ANO2: variants seen among roughly 807,000 people sequenced by gnomAD.
ANO2 encodes anoctamin-2.
ANO2 carries 101 observed loss-of-function variants against 124.2 expected under a neutral mutation model. The ratio of observed to expected loss-of-function variants is 0.81; its 90% CI spans 0.69 to 0.96. The LOEUF is 0.96. ANO2 is among the 40% of genes least tolerant of loss of function. ANO2 has a pLI of 0.00. For missense variants in ANO2, 1,293 were observed against 1,274.5 expected, an observed-to-expected ratio of 1.01 and a Z score of -0.22; for synonymous variants, 486 against 482.5, an observed-to-expected ratio of 1.01 and a Z score of -0.09.
At chr12:5,777,079 C>A (rs1952253961) in intron 10 of ANO2, among the ~76,000 whole-genome samples, 1 of 152,042 alleles carries the variant, frequency 6.6e-6, no homozygotes, top group African/African-American at 2.4e-5. Flanking sequence ...TATTGAGGGG[C>A]AAGAAAATCA....
intron 3 of ANO2, among the ~76,000 whole-genome samples, chr12:5,886,269 T>A (rs890305555): frequency 2.6e-5 from 4 of 152,208 alleles, no homozygotes; most frequent in Non-Finnish European, 5.9e-5. Flanking sequence ...AAATGTGGTA[T>A]ATACACACAA....
intron 11 of ANO2, among the ~76,000 whole-genome samples, chr12:5,746,681 T>G (rs377653032): frequency 7.9e-5 from 12 of 152,212 alleles, no homozygotes; most frequent in African/African-American, 2.9e-4. Flanking sequence ...GACCCTAAAG[T>G]GAGCAATGTT....
intron 1 of ANO2, among the ~76,000 whole-genome samples, chr12:5,939,032 G>A (rs1241876936): frequency 2.0e-5 from 3 of 151,232 alleles, no homozygotes; most frequent in Admixed American, 6.6e-5. Context: ...TCCTGGCCAA[G>A]AGAGTAAAAC....
At chr12:5,915,310 G>A (rs1333619354) in intron 3 of ANO2, among the ~76,000 whole-genome samples, 1 of 152,148 alleles carries the variant, frequency 6.6e-6, no homozygotes, top group Non-Finnish European at 1.5e-5. Context: ...ATGCTGAATT[G>A]TCTTTAAAAT....
intron 1 of ANO2, among the ~76,000 whole-genome samples, chr12:5,930,586 T>C (rs1002770285): frequency 1.3e-5 from 2 of 152,068 alleles, no homozygotes; most frequent in African/African-American, 4.8e-5. Flanking sequence ...CCTGGGTGCT[T>C]TCAGATTGAA....
intron 13 of ANO2, among the ~76,000 whole-genome samples, chr12:5,736,352 G>A (rs188687991): frequency 4.6e-5 from 7 of 152,304 alleles, no homozygotes; most frequent in East Asian, 1.9e-4. Context: ...ACTAGAGGGT[G>A]CACAAGCTTT....
chr12:5,937,994 C>T (rs949798598), intron 1 of ANO2, among the ~76,000 whole-genome samples: 2 of 152,264 alleles, frequency 1.3e-5, no homozygotes, highest in East Asian at 1.9e-4. Flanking sequence ...CTCCCAGTAC[C>T]GTTCGACTTC....
intron 15 of ANO2, among the ~76,000 whole-genome samples, chr12:5,643,087 C>CACACACACA (rs1491410332): frequency 6.6e-6 from 1 of 151,314 alleles, no homozygotes; most frequent in African/African-American, 2.4e-5. Context: ...CACACACACA[C>CACACACACA]AATGAATAAA....
chr12:5,704,832 A>T (rs1039975929), intron 14 of ANO2, among the ~76,000 whole-genome samples: 2 of 152,132 alleles, frequency 1.3e-5, no homozygotes, highest in South Asian at 4.1e-4. Context: ...ATATGAAGGA[A>T]CTGCATGCAA....
chr12:5,817,676 T>C (rs911653544), intron 7 of ANO2, among the ~76,000 whole-genome samples: 6 of 152,068 alleles, frequency 3.9e-5, no homozygotes, highest in Admixed American at 1.3e-4. Context: ...AAAGTGGTCA[T>C]ATTAACAGGA....
At chr12:5,644,433 T>C (rs1232509571) in intron 15 of ANO2, among the ~76,000 whole-genome samples, 1 of 151,870 alleles carries the variant, frequency 6.6e-6, no homozygotes, top group Non-Finnish European at 1.5e-5. Context: ...CCTTCAAGAG[T>C]TTCTTGACTA....
At chr12:5,709,300 C>G (rs979772550) in intron 14 of ANO2, among the ~76,000 whole-genome samples, 3 of 152,210 alleles carry the variant, frequency 2.0e-5, no homozygotes, top group Non-Finnish European at 4.4e-5. Flanking sequence ...CTCCACTATA[C>G]TCTCCAGCCT....
At chr12:5,650,640 AC>A (rs1402252249) in intron 14 of ANO2, among the ~76,000 whole-genome samples, 13 of 152,230 alleles carry the variant, frequency 8.5e-5, no homozygotes, top group African/African-American at 3.1e-4. Context: ...CATTAACAAT[AC>A]GAAGACTTGC....
chr12:5,731,183 C>T (rs77311866), intron 14 of ANO2, among the ~76,000 whole-genome samples: 67 of 152,256 alleles, frequency 4.4e-4, no homozygotes, highest in Middle Eastern at 3.4e-3. Context: ...ACGGCGTTGC[C>T]GAAGCTGACA....
chr12:5,851,008 C>A (rs918780911), intron 4 of ANO2, among the ~76,000 whole-genome samples: 1 of 151,046 alleles, frequency 6.6e-6, no homozygotes, highest in African/African-American at 2.5e-5. Flanking sequence ...GATGGGATGA[C>A]GTCCCCAAAC....
In ANO2 at chr12:5,798,023, T is replaced by C. The variant is rs1356104477; in HGVS notation, c.1055+1484A>G. Among the ~76,000 whole-genome samples, 15 of 152,122 alleles carry C rather than the reference T, an allele frequency of 9.9e-5. No individual in the cohort carries two copies. In the East Asian group the frequency reaches 2.7e-3, roughly 28 times the overall value. On this transcript the variant is annotated intron_variant, in intron 10 of 24. Transcript: ENST00000682330. ...CACCTGAAGTCTCTGCGGGAAAAGA[T>C]AGGGCTCTCTGGTAGGGAGAATTTT... is the stretch of plus-strand genomic sequence containing the variant.
chr12:5,784,162 A>G (rs1306745262), intron 10 of ANO2, among the ~76,000 whole-genome samples: 2 of 103,342 alleles, frequency 1.9e-5, no homozygotes, highest in East Asian at 6.5e-4. Context: ...ATTCCCCCCT[A>G]TCTGGAATGT....
At chr12:5,650,097 G>A (rs892409153) in intron 14 of ANO2, among the ~76,000 whole-genome samples, 1 of 152,128 alleles carries the variant, frequency 6.6e-6, no homozygotes, top group African/African-American at 2.4e-5. Flanking sequence ...TGGAGTCTTG[G>A]TTCAGTCCCA....
chr12:5,909,704 G>A (rs1008305034), intron 3 of ANO2, among the ~76,000 whole-genome samples: 1 of 152,210 alleles, frequency 6.6e-6, no homozygotes, highest in Non-Finnish European at 1.5e-5. Context: ...CCCCACAAGT[G>A]CACCTGCAGC....
Sources: gnomAD v4.1 joint callset for allele counts (sites outside exome capture counted in the v4.1 genomes callset) on GRCh38, gnomAD v4.1.1 for gene constraint, MANE v1.5 for transcripts, NCBI Gene and HGNC (gene_info 2026-07-23, HGNC 2026-07-21) for gene names.